DMD: variants seen among roughly 807,000 people sequenced by gnomAD.
DMD encodes mutant dystrophin.
DMD carries 63 observed loss-of-function variants against 330.1 expected under a neutral mutation model. That is an observed-to-expected ratio of 0.19 (90% CI 0.16 to 0.24). DMD has a LOEUF of 0.24. Among genes scored for constraint, DMD ranks in the 10% least tolerant of loss-of-function variants. The pLI is 1.00. For missense variants in DMD, 3,344 were observed against 2,684.1 expected (o/e 1.25, Z -5.43); for synonymous variants, 1,223 against 959.8 (o/e 1.27, Z -5.07).
intron 7 of DMD, among the ~76,000 whole-genome samples, chrX:32,776,956 A>G (rs1362829069): frequency 9.0e-6 from 1 of 111,298 alleles, no homozygotes; most frequent in Non-Finnish European, 1.9e-5. Flanking sequence ...TAAGGAAAAC[A>G]TACTGCATTC....
At chrX:32,492,207 G>A (rs947599924) in intron 19 of DMD, among the ~76,000 whole-genome samples, 4 of 111,048 alleles carry the variant, frequency 3.6e-5, no homozygotes, top group South Asian at 3.8e-4. Flanking sequence ...GCGTGGTGGC[G>A]GGCGCCTGGG....
chrX:32,787,420 A>G (rs951152245), intron 7 of DMD, among the ~76,000 whole-genome samples: 2 of 110,833 alleles, frequency 1.8e-5, no homozygotes, highest in Non-Finnish European at 3.8e-5. Flanking sequence ...CCAGAAAACC[A>G]GAATGAGTGG....
At position 32,365,137 on chromosome X, in the gene DMD, C is replaced by A. The variant is rs143538389; in HGVS notation, c.4908G>T (p.Glu1636Asp). The change falls in exon 35 of 79, where the codon GAG becomes GAT. Residue 1636 changes from glutamate (E) to aspartate (D), a missense_variant. By Grantham distance (45) the Glu-to-Asp change is conservative. Transcript: ENST00000357033. Reference protein sequence around the residue: ...VHLKSITEVGEALKTVLGKKE... With the variant: ...VHLKSITEVGDALKTVLGKKE... ...TCTTGCCCAAAACTGTTTTCAAGGC[C>A]TCTCCTACCTCTGTGATACTCTTCA... is the stretch of plus-strand genomic sequence containing the variant. 1 of 1,208,687 alleles carries A rather than the reference C, an allele frequency of 8.3e-7. No individual in the cohort carries two copies. Among genetic ancestry groups the A allele is most frequent in the Non-Finnish European group, 1.1e-6 (1 of 894,735 alleles).
At chrX:31,471,829 T>C (rs1423844071) in intron 59 of DMD, among the ~76,000 whole-genome samples, 1 of 111,993 alleles carries the variant, frequency 8.9e-6, no homozygotes, top group Non-Finnish European at 1.9e-5. Context: ...ATTAAAAATA[T>C]ACCGTACTTA....
intron 43 of DMD, among the ~76,000 whole-genome samples, chrX:32,236,419 T>C (rs2097187917): frequency 8.9e-6 from 1 of 112,130 alleles, no homozygotes; most frequent in African/African-American, 3.2e-5. Flanking sequence ...ATTTTATTTT[T>C]TACTTGTTCC....
At chrX:31,469,533 A>G (rs781614137) in intron 59 of DMD, among the ~76,000 whole-genome samples, 73 of 112,192 alleles carry the variant, frequency 6.5e-4, no homozygotes, top group Non-Finnish European at 1.1e-3. Flanking sequence ...TTTCTGCCAA[A>G]TGATCCGCTG....
rs2149094935 is a variant in DMD, at chrX:32,565,779, T to G, written c.1915A>C (p.Lys639Gln). Residue 639 changes from lysine to glutamine, a missense_variant, in exon 16 of 79, where the codon AAG (lysine) becomes CAG (glutamine). Physicochemically the swap from Lys to Gln is moderately conservative, Grantham distance 53 (BLOSUM62 1). Coordinates refer to ENST00000357033, the MANE Select transcript of DMD (RefSeq NM_004006.3). ...AAGTTATCCAGCCATGCTTCCGTCT[T>G]CTGGGTCACTGACTTATTCTTCAGT... ...STLKNKSVTQ[K>Q]TEAWLDNFAR... is the part of the protein sequence containing the mutation. The G allele has an allele frequency of 3.3e-6, 4 of 1,211,648 alleles. No individual in the cohort carries two copies. Among genetic ancestry groups the G allele is most frequent in the Non-Finnish European group, 4.5e-6 (4 of 895,258 alleles).
chrX:31,527,179 G>C (rs2073309011), intron 55 of DMD, among the ~76,000 whole-genome samples: 1 of 111,780 alleles, frequency 8.9e-6, no homozygotes, highest in Non-Finnish European at 1.9e-5. Flanking sequence ...GGATTTCCAA[G>C]AATATAAGAA....
chrX:32,205,113 T>C (rs2097061828), intron 44 of DMD, among the ~76,000 whole-genome samples: 1 of 100,615 alleles, frequency 9.9e-6, no homozygotes, highest in South Asian at 5.1e-4. Context: ...GCTGATATTT[T>C]CTATTTTGTT....
At chrX:31,864,485 CTTTTTTT>C (rs201374257) in intron 48 of DMD, among the ~76,000 whole-genome samples, 2 of 54,348 alleles carry the variant, frequency 3.7e-5, no homozygotes, top group African/African-American at 9.6e-5. Flanking sequence ...TTTTGAAGGC[CTTTTTTT>C]TTTTTTTTTT....
chrX:33,187,123 A>G (rs1284777634), intron 1 of DMD, among the ~76,000 whole-genome samples: 1 of 112,163 alleles, frequency 8.9e-6, no homozygotes, highest in Non-Finnish European at 1.9e-5. Context: ...TTCAATACCC[A>G]TATACACATT....
intron 4 of DMD, among the ~76,000 whole-genome samples, chrX:32,836,224 G>A (rs1457053767): frequency 9.2e-6 from 1 of 108,637 alleles, no homozygotes; most frequent in Non-Finnish European, 1.9e-5. Flanking sequence ...TAGAGACGGG[G>A]TTTTGCCATG....
intron 53 of DMD, among the ~76,000 whole-genome samples, chrX:31,670,536 A>C (rs1413035016): frequency 8.9e-6 from 1 of 112,162 alleles, no homozygotes; most frequent in Non-Finnish European, 1.9e-5. Flanking sequence ...TCATTGTCTC[A>C]GACTTCTGGA....
At chrX:32,756,153 C>T (rs977868081) in intron 7 of DMD, 3 of 111,911 alleles carry the variant, frequency 2.7e-5, no homozygotes, top group Non-Finnish European at 5.6e-5. Context: ...GCATTTGTTC[C>T]ACAGAAGAAA....
At chrX:32,250,531 C>G (rs1400373888) in intron 43 of DMD, among the ~76,000 whole-genome samples, 1 of 112,005 alleles carries the variant, frequency 8.9e-6, no homozygotes, top group Non-Finnish European at 1.9e-5. Flanking sequence ...AATTAATGAG[C>G]TCTTGTTTCC....
chrX:31,965,965 A>T (rs192106010), intron 45 of DMD, among the ~76,000 whole-genome samples: 2 of 111,639 alleles, frequency 1.8e-5, no homozygotes, highest in African/African-American at 6.5e-5. Flanking sequence ...ATTTCAGAAG[A>T]CTTAAAGTTT....
At chrX:31,159,109 A>G (rs2038514568) in intron 74 of DMD, among the ~76,000 whole-genome samples, 1 of 112,172 alleles carries the variant, frequency 8.9e-6, no homozygotes, top group Non-Finnish European at 1.9e-5. Flanking sequence ...ATTCATTTTT[A>G]TGACACATTT....
chrX:32,487,457 G>T (rs1309288304), intron 20 of DMD, among the ~76,000 whole-genome samples: 3 of 111,067 alleles, frequency 2.7e-5, no homozygotes, highest in African/African-American at 9.8e-5. Flanking sequence ...AGAGAAAATG[G>T]AAAGAATTAT....
rs768218456 is a variant in DMD at position 31,172,377 on chromosome X, T to C, written c.10365A>G (p.Leu3455=). 8.3e-7 allele frequency: 1 copy of C among 1,201,431 alleles called. No individual in the cohort carries two copies. The highest frequency in any genetic ancestry group is 1.1e-6 in the Non-Finnish European group (1 of 886,429). The change falls in exon 73 of 79, where the codon CTA becomes CTG. Residue 3455 remains leucine, a synonymous_variant. Transcript: ENST00000357033. ...AEMENSNGSY[L]NDSISPNESI... ...TCTCATTAGGAGAGATGCTATCATT[T>C]AGATAAGATCCATTGCTGTTTTCCA...
Sources: gnomAD v4.1 joint callset for allele counts (sites outside exome capture counted in the v4.1 genomes callset) on GRCh38, gnomAD v4.1.1 for gene constraint, MANE v1.5 for transcripts, NCBI Gene and HGNC (gene_info 2026-07-23, HGNC 2026-07-21) for gene names.